The following RUNDC1 variants were observed in gnomAD, a reference collection of about 807,000 sequenced individuals.
RUNDC1 encodes RUN domain containing 1, also known as RUN domain-containing protein 1.
A neutral mutation model predicts 49.3 loss-of-function variants in RUNDC1; 31 were observed. The observed-to-expected ratio is 0.63, with a 90% confidence interval of 0.47 to 0.85. The LOEUF is 0.85. Among genes scored for constraint, RUNDC1 ranks in the 40% least tolerant of loss-of-function variants. The pLI is 0.00. For missense variants in RUNDC1, 715 were observed against 806.7 expected (o/e 0.89, Z 1.38); for synonymous variants, 347 against 348.6 (o/e 1.00, Z 0.05).
chr17:42,991,910 C>A lies in RUNDC1; in HGVS notation c.*194C>A. 1.6e-6 allele frequency: 1 copy of A among 624,336 alleles called. No homozygotes were observed. Among genetic ancestry groups the A allele is most frequent in the Non-Finnish European group, 2.7e-6 (1 of 365,778 alleles). The allele number at this position is 624,336 out of a possible 1,614,324, so 38.7% of individuals were successfully genotyped here. A position where few individuals can be genotyped will look rare whatever the true frequency, so the allele number is the denominator to read the frequency against. ...CTCGGAAAGATGTGCTGGAGGGACCCTCTTGTTAAGAAGGTTCTGCCAGGC... is the reference window on the plus strand; with the variant it reads ...CTCGGAAAGATGTGCTGGAGGGACCATCTTGTTAAGAAGGTTCTGCCAGGC... On this transcript the variant is annotated 3_prime_UTR_variant, in exon 5 of 5. Transcript: ENST00000361677.
In RUNDC1 at chr17:42,990,925, A is replaced by G; in HGVS notation, c.1051A>G (p.Ile351Val). 6.2e-7 allele frequency: 1 copy of G among 1,613,092 alleles called. No individual in the cohort carries two copies. The highest frequency in any genetic ancestry group is 8.5e-7 in the Non-Finnish European group (1 of 1,179,252). Reference protein sequence around the residue: ...LMRRALAVLQIFAVSQFGCAT... With the variant: ...LMRRALAVLQVFAVSQFGCAT... Reference sequence around the variant, plus strand: ...GCGGCGAGCGCTGGCCGTGCTCCAGATCTTTGCTGTTAGCCAGTTTGGTTG... The same window carrying G: ...GCGGCGAGCGCTGGCCGTGCTCCAGGTCTTTGCTGTTAGCCAGTTTGGTTG... The change falls in exon 5 of 5, where the codon ATC becomes GTC. Residue 351 changes from isoleucine to valine, a missense_variant. By Grantham distance (29) the Ile-to-Val change is conservative. This residue lies in a region of RUNDC1 where 425 missense variants were observed against 499.7 expected (regional missense o/e 0.85). Transcript: ENST00000361677.
chr17:42,981,591 T>A (rs1484119402), intron 1 of RUNDC1: 1 of 153,250 alleles, frequency 6.5e-6, no homozygotes, highest in Admixed American at 6.6e-5. Flanking sequence ...AACAGCAGGG[T>A]CTCTTAGTAA....
chr17:42,991,420 C>T lies in RUNDC1; in HGVS notation c.1546C>T (p.Leu516=), dbSNP rs527942295. ...GGTVVTPKQS[L]LTAIHMVLTE... ...CACTGTTGTCACCCCCAAACAGAGCCTACTGACAGCCATCCACATGGTGCT... is the reference window on the plus strand; with the variant it reads ...CACTGTTGTCACCCCCAAACAGAGCTTACTGACAGCCATCCACATGGTGCT... The change falls in exon 5 of 5, where the codon CTA becomes TTA. Residue 516 remains leucine (L), a synonymous_variant. Transcript: ENST00000361677. 1.9e-6 allele frequency: 3 copies of T among 1,614,236 alleles called. No individual in the cohort carries two copies. Among genetic ancestry groups the T allele is most frequent in the Middle Eastern group, 1.6e-4 (1 of 6,062 alleles).
rs541597414 is a variant in RUNDC1, at chr17:42,994,241, C to T, written c.*2525C>T. ...GCCATATGGCGTAGCCCAGCGATCACCCCAGTATTGCCTTTTTCAAATCAC... is the reference window on the plus strand; with the variant it reads ...GCCATATGGCGTAGCCCAGCGATCATCCCAGTATTGCCTTTTTCAAATCAC... On this transcript the variant is annotated 3_prime_UTR_variant, in exon 5 of 5. Transcript: ENST00000361677. Among the ~76,000 whole-genome samples, 1 of 152,256 alleles carries T rather than the reference C, an allele frequency of 6.6e-6. No individual in the cohort carries two copies. The highest frequency in any genetic ancestry group is 1.5e-5 in the Non-Finnish European group (1 of 68,052).
Position 42,993,962 on chromosome 17 carries a change from C to T in RUNDC1, c.*2246C>T, listed in dbSNP as rs553006442. Among the ~76,000 whole-genome samples, 1 of 152,074 alleles carries T rather than the reference C, an allele frequency of 6.6e-6. No homozygotes were observed. The highest frequency in any genetic ancestry group is 1.5e-5 in the Non-Finnish European group (1 of 68,030). On this transcript the variant is annotated 3_prime_UTR_variant, in exon 5 of 5. Transcript: ENST00000361677. The stretch of plus-strand genomic sequence containing the variant: ...GCAACCTCCGCCTCCTGGGTTCAAG[C>T]GATTCTCCTTCCTTAGCCTTCTGAG...
At position 42,993,432 on chromosome 17, in the gene RUNDC1, G is replaced by A. The variant is rs1192292319; in HGVS notation, c.*1716G>A. The A allele has an allele frequency of 1.3e-5, 2 of 152,086 alleles. No homozygotes were observed. Among genetic ancestry groups the A allele is most frequent in the African/African-American group, 4.8e-5 (2 of 41,390 alleles). The allele number at this position is 152,086 out of a possible 1,614,324, so 9.4% of individuals were successfully genotyped here. ...CTTTGTTTCTGCACTATTATGTAGT[G>A]CATTTTAACTTAAATTTTTTCCAGC... is the stretch of plus-strand genomic sequence containing the variant. On this transcript the variant is annotated 3_prime_UTR_variant, in exon 5 of 5. Coordinates refer to ENST00000361677, the MANE Select transcript of RUNDC1 (RefSeq NM_173079.5).
In RUNDC1 at chr17:42,980,983, A is replaced by T; in HGVS notation, c.407A>T (p.His136Leu). The change falls in exon 1 of 5, where the codon CAC becomes CTC. Residue 136 changes from histidine (H) to leucine (L), a missense_variant. Around this residue, in one of 5 missense-constraint regions of RUNDC1, gnomAD observed 113 missense variants for 93.4 expected, o/e 1.21. Coordinates refer to ENST00000361677, the MANE Select transcript of RUNDC1 (RefSeq NM_173079.5). ...GACTTCGCCTTCCGCGGCTGCCCTC[A>T]CGTCCTAGGTTACGAAGGGCCCGGC... is the stretch of plus-strand genomic sequence containing the variant. ...LEDFAFRGCP[H>L]VLGYEGPGDP... 1 of 1,544,958 alleles carries T rather than the reference A, an allele frequency of 6.5e-7. No individual in the cohort carries two copies. The highest frequency in any genetic ancestry group is 1.4e-5 in the African/African-American group (1 of 73,388).
Position 42,990,831 on chromosome 17 carries a change from C to G in RUNDC1, c.977-20C>G, listed in dbSNP as rs1433392459. The G allele has an allele frequency of 1.9e-6, 3 of 1,564,118 alleles. No individual in the cohort carries two copies. In the Admixed American group the frequency reaches 5.3e-5, roughly 27 times the overall value. ...GCCATCATGGCCTCTCACTGATGAG[C>G]CACTGTCTTTTCTAAGCAGCAAAGG... On this transcript the variant is annotated intron_variant, in intron 4 of 4. Coordinates refer to ENST00000361677, the MANE Select transcript of RUNDC1 (RefSeq NM_173079.5).
intron 3 of RUNDC1, 38 bp from the exon 4 acceptor site, chr17:42,990,279 G>C (rs369900518): frequency 6.2e-7 from 1 of 1,609,660 alleles, no homozygotes; most frequent in South Asian, 1.1e-5. Context: ...TGCCATAAAG[G>C]GCTAAATAAG....
At position 42,980,766 on chromosome 17, in the gene RUNDC1, G is replaced by A; in HGVS notation, c.190G>A (p.Glu64Lys). 1 of 1,494,834 alleles carries A rather than the reference G, an allele frequency of 6.7e-7. No individual in the cohort carries two copies. The highest frequency in any genetic ancestry group is 8.9e-7 in the Non-Finnish European group (1 of 1,128,818). 92.6% of individuals were successfully genotyped at this position (1,494,834 alleles called of 1,614,324 possible). Residue 64 changes from glutamate (E) to lysine (K), a missense_variant, in exon 1 of 5, where the codon GAG becomes AAG. Transcript: ENST00000361677. ...TAFLEEATAE[E>K]PGAAPGSPPD... is the part of the protein sequence containing the mutation. ...GTTTTTAGAAGAGGCGACGGCCGAG[G>A]AGCCTGGCGCGGCCCCGGGCTCCCC...
At position 42,989,552 on chromosome 17, in the gene RUNDC1, GA is replaced by G; in HGVS notation, c.856+14del. The G allele has an allele frequency of 6.2e-7, 1 of 1,609,566 alleles. No individual in the cohort carries two copies. Among genetic ancestry groups the G allele is most frequent in the South Asian group, 1.1e-5 (1 of 90,998 alleles). On this transcript the variant is annotated intron_variant, in intron 3 of 4. Transcript: ENST00000361677. ...AACTTCATCCAAGGTTAGAGGAGGG[GA>G]TGGGATGAGAAGGGTGGACAGGTGT...
intron 1 of RUNDC1, among the ~76,000 whole-genome samples, chr17:42,985,154 T>A (rs2050154570): frequency 6.6e-6 from 1 of 152,176 alleles, no homozygotes; most frequent in Admixed American, 6.6e-5. Context: ...CCCAAAGTGC[T>A]GGGATTACAG....
At position 42,980,793 on chromosome 17, in the gene RUNDC1, C is replaced by T; in HGVS notation, c.217C>T (p.Pro73Ser). ...EEPGAAPGSP[P>S]DSPGRTLRRL... ...GCCTGGCGCGGCCCCGGGCTCCCCGCCGGATTCGCCGGGCCGGACGCTGCG... is the reference window on the plus strand; with the variant it reads ...GCCTGGCGCGGCCCCGGGCTCCCCGTCGGATTCGCCGGGCCGGACGCTGCG... The change falls in exon 1 of 5, where the codon CCG (proline) becomes TCG (serine). Residue 73 changes from proline (P) to serine (S), a missense_variant. Pro to Ser is a moderately conservative substitution (Grantham distance 74). Transcript: ENST00000361677. The T allele has an allele frequency of 1.4e-6, 2 of 1,402,288 alleles. No individual in the cohort carries two copies. The highest frequency in any genetic ancestry group is 9.2e-7 in the Non-Finnish European group (1 of 1,089,542). The allele number at this position is 1,402,288 out of a possible 1,614,324, so 86.9% of individuals were successfully genotyped here. A position where few individuals can be genotyped will look rare whatever the true frequency, so the allele number is the denominator to read the frequency against.
rs2050230559 is a variant in RUNDC1, at chr17:42,990,920, T to A, written c.1046T>A (p.Leu349His). 6.2e-7 allele frequency: 1 copy of A among 1,612,804 alleles called. No homozygotes were observed. The highest frequency in any genetic ancestry group is 1.7e-5 in the Admixed American group (1 of 59,992). The change falls in exon 5 of 5, where the codon CTC becomes CAC. Residue 349 changes from leucine (L) to histidine (H), a missense_variant. Coordinates refer to ENST00000361677, the MANE Select transcript of RUNDC1 (RefSeq NM_173079.5). ...LHLMRRALAV[L>H]QIFAVSQFGC... ...CTGATGCGGCGAGCGCTGGCCGTGCTCCAGATCTTTGCTGTTAGCCAGTTT... is the reference window on the plus strand; with the variant it reads ...CTGATGCGGCGAGCGCTGGCCGTGCACCAGATCTTTGCTGTTAGCCAGTTT...
At position 42,990,900 on chromosome 17, in the gene RUNDC1, G is replaced by A. The variant is rs2050229779; in HGVS notation, c.1026G>A (p.Met342Ile). Reference protein sequence around the residue: ...KKVRETGLHLMRRALAVLQIF... With the variant: ...KKVRETGLHLIRRALAVLQIF... ...TCCGGGAGACGGGGCTGCACCTGATGCGGCGAGCGCTGGCCGTGCTCCAGA... is the reference window on the plus strand; with the variant it reads ...TCCGGGAGACGGGGCTGCACCTGATACGGCGAGCGCTGGCCGTGCTCCAGA... The change falls in exon 5 of 5, where the codon ATG becomes ATA. Residue 342 changes from methionine (M) to isoleucine (I), a missense_variant. By Grantham distance (10) the Met-to-Ile change is conservative. Transcript: ENST00000361677. 4.4e-6 allele frequency: 7 copies of A among 1,608,306 alleles called. No homozygotes were observed. In the East Asian group the frequency reaches 1.1e-4, roughly 26 times the overall value.
Position 42,991,017 on chromosome 17 carries a change from G to T in RUNDC1, c.1143G>T (p.Leu381Phe). 2 of 1,614,160 alleles carry T rather than the reference G, an allele frequency of 1.2e-6. No homozygotes were observed. The highest frequency in any genetic ancestry group is 1.3e-5 in the African/African-American group (1 of 75,058). The change falls in exon 5 of 5, where the codon TTG becomes TTT. Residue 381 changes from leucine to phenylalanine, a missense_variant. Physicochemically the swap from Leu to Phe is conservative, Grantham distance 22 (BLOSUM62 0). Transcript: ENST00000361677. ...AGGCTGACAGAGACTACTCTCCCTT[G>T]CTGAAGAGGCTGGAGGTGTCAGTGG... ...RVQADRDYSP[L>F]LKRLEVSVDR...
Position 42,980,855 on chromosome 17 carries a change from G to A in RUNDC1, c.279G>A (p.Ala93=). The change falls in exon 1 of 5, where the codon GCG becomes GCA. Residue 93 remains alanine, a synonymous_variant. Transcript: ENST00000361677. ...CAGAGCGGCGGCGGCTGGACTCGGC[G>A]CTGCTGGCGCTGTCCTCGCACTTCG... The part of the protein sequence containing the change: ...LRAERRRLDS[A]LLALSSHFAQ... 1 of 1,421,928 alleles carries A rather than the reference G, an allele frequency of 7.0e-7. No individual in the cohort carries two copies. Among genetic ancestry groups the A allele is most frequent in the Non-Finnish European group, 9.1e-7 (1 of 1,097,052 alleles). The allele number at this position is 1,421,928 out of a possible 1,614,324, so 88.1% of individuals were successfully genotyped here.
Position 42,987,318 on chromosome 17 carries a change from G to A in RUNDC1, c.561G>A (p.Leu187=), listed in dbSNP as rs761428826. The change falls in exon 2 of 5, where the codon CTG becomes CTA. Residue 187 remains leucine, a synonymous_variant. Transcript: ENST00000361677. ...TQREKQKELI[L]QLKTQLDDLE... is the part of the protein sequence containing the mutation. ...GGGAGAAGCAGAAAGAACTGATACT[G>A]CAGCTCAAGACCCAGCTAGATGACC... The A allele has an allele frequency of 1.2e-6, 2 of 1,613,886 alleles. No homozygotes were observed. Among genetic ancestry groups the A allele is most frequent in the African/African-American group, 1.3e-5 (1 of 74,904 alleles).
Position 42,985,996 on chromosome 17 carries a change from T to C in RUNDC1, c.499-1260T>C, listed in dbSNP as rs8076202. Among the ~76,000 whole-genome samples the C allele has an allele frequency of 1.3e-3, 195 of 152,268 alleles. 1 individual carries two copies. The highest frequency in any genetic ancestry group is 4.5e-3 in the African/African-American group (187 of 41,540). Reference sequence around the variant, plus strand: ...GCCTAGGCACTTGCCTTTTACTCTTTTGTTTTTGGTTTTGGTTTTTTGAGA... The same window carrying C: ...GCCTAGGCACTTGCCTTTTACTCTTCTGTTTTTGGTTTTGGTTTTTTGAGA... On this transcript the variant is annotated intron_variant, in intron 1 of 4. Transcript: ENST00000361677.
Sources: allele counts gnomAD v4.1 joint callset (sites outside exome capture counted in the v4.1 genomes callset), GRCh38; gene constraint gnomAD v4.1.1; regional missense constraint gnomAD v4.1.1; transcripts MANE v1.5; gene names NCBI Gene and HGNC (gene_info 2026-07-23, HGNC 2026-07-21).